MC1R: variants seen among roughly 807,000 people sequenced by gnomAD.
The protein encoded by MC1R is melanocyte-stimulating hormone receptor.
For missense variants in MC1R, 542 were observed against 430.0 expected, an observed-to-expected ratio of 1.26 and a Z score of -2.30; for synonymous variants, 263 against 203.8, an observed-to-expected ratio of 1.29 and a Z score of -2.47.
chr16:89,920,841 C>T lies in MC1R; in HGVS notation c.*629C>T. The T allele has an allele frequency of 1.7e-6, 1 of 602,552 alleles. No homozygotes were observed. Among genetic ancestry groups the T allele is most frequent in the East Asian group, 2.9e-5 (1 of 34,752 alleles). 37.3% of individuals were successfully genotyped at this position (602,552 alleles called of 1,614,324 possible). A position where few individuals can be genotyped will look rare whatever the true frequency, so the allele number is the denominator to read the frequency against. ...CCGGTTCTAAGGCTCAGACTGGGCA[C>T]TGGGGCCTCAGCCTGCTTTCCTGCA... On this transcript the variant is annotated 3_prime_UTR_variant, in exon 1 of 1. Coordinates refer to ENST00000555147, the MANE Select transcript of MC1R (RefSeq NM_002386.4).
At position 89,920,334 on chromosome 16, in the gene MC1R, G is replaced by C. The variant is rs1310229024; in HGVS notation, c.*122G>C. ...TGGTCCCCGTTTGTCAAAGAGGATG[G>C]ACTAAATGATCTCTGAAAGTGTTGA... On this transcript the variant is annotated 3_prime_UTR_variant, in exon 1 of 1. Coordinates refer to ENST00000555147, the MANE Select transcript of MC1R (RefSeq NM_002386.4). 1.2e-5 allele frequency: 10 copies of C among 831,150 alleles called. No individual in the cohort carries two copies. In the East Asian group the frequency reaches 2.7e-4, roughly 22 times the overall value. The allele number at this position is 831,150 out of a possible 1,614,324, so 51.5% of individuals were successfully genotyped here. A position where few individuals can be genotyped will look rare whatever the true frequency, so the allele number is the denominator to read the frequency against.
rs924429375 is a variant in MC1R, at chr16:89,920,019, G to A, written c.761G>A (p.Trp254Ter). 2 of 1,613,504 alleles carry A rather than the reference G, an allele frequency of 1.2e-6. No individual in the cohort carries two copies. Among genetic ancestry groups the A allele is most frequent in the Admixed American group, 1.7e-5 (1 of 60,000 alleles). The change falls in exon 1 of 1, where the codon TGG becomes TAG. Residue 254 changes from tryptophan to a stop codon, truncating the protein, a stop_gained. Coordinates refer to ENST00000555147, the MANE Select transcript of MC1R (RefSeq NM_002386.4). LOFTEE classifies it low-confidence loss of function (END_TRUNC). Reference sequence around the variant, plus strand: ...CTGCTGGGCATTTTCTTCCTCTGCTGGGGCCCCTTCTTCCTGCATCTCACA... The same window carrying A: ...CTGCTGGGCATTTTCTTCCTCTGCTAGGGCCCCTTCTTCCTGCATCTCACA... ...TILLGIFFLC[W>*]GPFFLHLTLI...
chr16:89,920,011 C>G lies in MC1R; in HGVS notation c.753C>G (p.Phe251Leu), dbSNP rs561571645. The change falls in exon 1 of 1, where the codon TTC becomes TTG. Residue 251 changes from phenylalanine to leucine, a missense_variant. Coordinates refer to ENST00000555147, the MANE Select transcript of MC1R (RefSeq NM_002386.4). The stretch of plus-strand genomic sequence containing the variant: ...TCACCATCCTGCTGGGCATTTTCTT[C>G]CTCTGCTGGGGCCCCTTCTTCCTGC... ...VTLTILLGIFFLCWGPFFLHL... is the reference protein window; with the variant it reads ...VTLTILLGIFLLCWGPFFLHL... 6.2e-7 allele frequency: 1 copy of G among 1,613,656 alleles called. No homozygotes were observed. The highest frequency in any genetic ancestry group is 8.5e-7 in the Non-Finnish European group (1 of 1,179,876).
In MC1R at chr16:89,920,270, T is replaced by G; in HGVS notation, c.*58T>G. On this transcript the variant is annotated 3_prime_UTR_variant, in exon 1 of 1. Transcript: ENST00000555147. ...AGAGGGAGGTGGTGATATTGTGTGG[T>G]CTGGTTCCTGTGTGACCCTGGGCAG... 1 of 1,457,164 alleles carries G rather than the reference T, an allele frequency of 6.9e-7. No homozygotes were observed. The highest frequency in any genetic ancestry group is 9.5e-7 in the Non-Finnish European group (1 of 1,051,650). The allele number at this position is 1,457,164 out of a possible 1,614,324, so 90.3% of individuals were successfully genotyped here.
rs2045712896 is a variant in MC1R, at chr16:89,920,603, G to T, written c.*391G>T. The T allele has an allele frequency of 1.4e-6, 1 of 696,260 alleles. No homozygotes were observed. Among genetic ancestry groups the T allele is most frequent in the African/African-American group, 1.8e-5 (1 of 56,404 alleles). 43.1% of individuals were successfully genotyped at this position (696,260 alleles called of 1,614,324 possible). Reference sequence around the variant, plus strand: ...CTTTGCTGCCAGCTCTCAGGACCGTGCCCTCGTCAGCTGGGATGTGAAGTC... The same window carrying T: ...CTTTGCTGCCAGCTCTCAGGACCGTTCCCTCGTCAGCTGGGATGTGAAGTC... On this transcript the variant is annotated 3_prime_UTR_variant, in exon 1 of 1. Coordinates refer to ENST00000555147, the MANE Select transcript of MC1R (RefSeq NM_002386.4).
chr16:89,920,147 A>G lies in MC1R; in HGVS notation c.889A>G (p.Ile297Val), dbSNP rs373467427. Residue 297 changes from isoleucine to valine, a missense_variant, in exon 1 of 1, where the codon ATC (isoleucine) becomes GTC (valine). By Grantham distance (29) the Ile-to-Val change is conservative. Coordinates refer to ENST00000555147, the MANE Select transcript of MC1R (RefSeq NM_002386.4). ...CTGCAATGCCATCATCGACCCCCTC[A>G]TCTACGCCTTCCACAGCCAGGAGCT... The part of the protein sequence containing the change: ...IICNAIIDPL[I>V]YAFHSQELRR... 3.7e-6 allele frequency: 6 copies of G among 1,613,786 alleles called. No homozygotes were observed. Among genetic ancestry groups the G allele is most frequent in the African/African-American group, 1.3e-5 (1 of 74,904 alleles).
At position 89,919,164 on chromosome 16, in the gene MC1R, T is replaced by A. The variant is rs2045687036; in HGVS notation, c.-95T>A. The A allele has an allele frequency of 4.5e-6, 4 of 886,030 alleles. No individual in the cohort carries two copies. Among genetic ancestry groups the A allele is most frequent in the Non-Finnish European group, 3.4e-6 (2 of 584,812 alleles). The allele number at this position is 886,030 out of a possible 1,614,324, so 54.9% of individuals were successfully genotyped here. A position where few individuals can be genotyped will look rare whatever the true frequency, so the allele number is the denominator to read the frequency against. On this transcript the variant is annotated 5_prime_UTR_variant, in exon 1 of 1. Transcript: ENST00000555147. ...GGCATGGGGGACACCCAAGGCCCCC[T>A]GGCAGCACCATGAACTAAGCAGGAC...
In MC1R at chr16:89,919,272, G is replaced by C. The variant is rs1435263992; in HGVS notation, c.14G>C (p.Gly5Ala). 6.3e-7 allele frequency: 1 copy of C among 1,580,030 alleles called. No homozygotes were observed. Among genetic ancestry groups the C allele is most frequent in the South Asian group, 1.1e-5 (1 of 87,782 alleles). MAVQ[G>A]SQRRLLGSLN... ...CTGGACAGGACTATGGCTGTGCAGGGATCCCAGAGAAGACTTCTGGGCTCC... is the reference window on the plus strand; with the variant it reads ...CTGGACAGGACTATGGCTGTGCAGGCATCCCAGAGAAGACTTCTGGGCTCC... The change falls in exon 1 of 1, where the codon GGA (glycine) becomes GCA (alanine). Residue 5 changes from glycine to alanine, a missense_variant. Physicochemically the swap from Gly to Ala is moderately conservative, Grantham distance 60 (BLOSUM62 0). Coordinates refer to ENST00000555147, the MANE Select transcript of MC1R (RefSeq NM_002386.4).
rs748521098 is a variant in MC1R at position 89,920,078 on chromosome 16, G to A, written c.820G>A (p.Gly274Ser). The A allele has an allele frequency of 3.1e-5, 50 of 1,613,718 alleles. No individual in the cohort carries two copies. The highest frequency in any genetic ancestry group is 1.2e-4 in the South Asian group (11 of 91,088). ...CCTCTGCCCCGAGCACCCCACGTGC[G>A]GCTGCATCTTCAAGAACTTCAACCT... is the stretch of plus-strand genomic sequence containing the variant. The part of the protein sequence containing the change: ...IVLCPEHPTC[G>S]CIFKNFNLFL... Residue 274 changes from glycine to serine, a missense_variant, in exon 1 of 1, where the codon GGC becomes AGC. Coordinates refer to ENST00000555147, the MANE Select transcript of MC1R (RefSeq NM_002386.4).
rs2045688502 is a variant in MC1R, at chr16:89,919,274, T to A, written c.16T>A (p.Ser6Thr). MAVQGSQRRLLGSLNS... is the reference protein window; with the variant it reads MAVQGTQRRLLGSLNS... ...GGACAGGACTATGGCTGTGCAGGGA[T>A]CCCAGAGAAGACTTCTGGGCTCCCT... Residue 6 changes from serine (S) to threonine (T), a missense_variant, in exon 1 of 1, where the codon TCC (serine) becomes ACC (threonine). Physicochemically the swap from Ser to Thr is moderately conservative, Grantham distance 58. Coordinates refer to ENST00000555147, the MANE Select transcript of MC1R (RefSeq NM_002386.4). 3 of 1,582,202 alleles carry A rather than the reference T, an allele frequency of 1.9e-6. No individual in the cohort carries two copies. Among genetic ancestry groups the A allele is most frequent in the Non-Finnish European group, 1.7e-6 (2 of 1,163,638 alleles).
chr16:89,919,477 G>C lies in MC1R; in HGVS notation c.219G>C (p.Met73Ile). ...IAKNRNLHSP[M>I]YCFICCLALS... ...AGAACCGGAACCTGCACTCACCCAT[G>C]TACTGCTTCATCTGCTGCCTGGCCT... The change falls in exon 1 of 1, where the codon ATG becomes ATC. Residue 73 changes from methionine to isoleucine, a missense_variant. Physicochemically the swap from Met to Ile is conservative, Grantham distance 10 (BLOSUM62 1). Transcript: ENST00000555147. 1 of 1,613,324 alleles carries C rather than the reference G, an allele frequency of 6.2e-7. No individual in the cohort carries two copies. The highest frequency in any genetic ancestry group is 1.1e-5 in the South Asian group (1 of 91,088).
chr16:89,920,650 A>G lies in MC1R; in HGVS notation c.*438A>G. 2.8e-6 allele frequency: 2 copies of G among 716,372 alleles called. No homozygotes were observed. Among genetic ancestry groups the G allele is most frequent in the East Asian group, 5.4e-5 (2 of 37,280 alleles). The allele number at this position is 716,372 out of a possible 1,614,324, so 44.4% of individuals were successfully genotyped here. A position where few individuals can be genotyped will look rare whatever the true frequency, so the allele number is the denominator to read the frequency against. Reference sequence around the variant, plus strand: ...AGTCTCTGGGTGGAAGTGTGTGCCAAGAGCTACTCCCACAGCAGCCCCAGG... The same window carrying G: ...AGTCTCTGGGTGGAAGTGTGTGCCAGGAGCTACTCCCACAGCAGCCCCAGG... On this transcript the variant is annotated 3_prime_UTR_variant, in exon 1 of 1. Coordinates refer to ENST00000555147, the MANE Select transcript of MC1R (RefSeq NM_002386.4).
rs1470549318 is a variant in MC1R, at chr16:89,919,479, A to G, written c.221A>G (p.Tyr74Cys). Residue 74 changes from tyrosine (Y) to cysteine (C), a missense_variant, in exon 1 of 1, where the codon TAC becomes TGC. Coordinates refer to ENST00000555147, the MANE Select transcript of MC1R (RefSeq NM_002386.4). ...AKNRNLHSPM[Y>C]CFICCLALSD... is the part of the protein sequence containing the mutation. ...AACCGGAACCTGCACTCACCCATGT[A>G]CTGCTTCATCTGCTGCCTGGCCTTG... The G allele has an allele frequency of 3.1e-6, 5 of 1,613,248 alleles. No individual in the cohort carries two copies. The highest frequency in any genetic ancestry group is 4.2e-6 in the Non-Finnish European group (5 of 1,179,842).
chr16:89,919,909 C>T lies in MC1R; in HGVS notation c.651C>T (p.His217=), dbSNP rs756060136. 1.6e-5 allele frequency: 26 copies of T among 1,608,066 alleles called. No homozygotes were observed. Among genetic ancestry groups the T allele is most frequent in the Middle Eastern group, 1.6e-4 (1 of 6,080 alleles). Residue 217 remains histidine, a synonymous_variant, in exon 1 of 1, where the codon CAC becomes CAT. Transcript: ENST00000555147. ...YVHMLARACQ[H]AQGIARLHKR... ...ACATGCTGGCCCGGGCCTGCCAGCA[C>T]GCCCAGGGCATCGCCCGGCTCCACA...
At position 89,919,030 on chromosome 16, in the gene MC1R, G is replaced by A. The variant is rs566702302; in HGVS notation, c.-229G>A. ...GTTGTGAGAATCCCTGAGCCCAGGC[G>A]GTAGATGCCAGGAGGTGTCTGGACT... On this transcript the variant is annotated 5_prime_UTR_variant, in exon 1 of 1. Transcript: ENST00000555147. 309 of 555,814 alleles carry A rather than the reference G, an allele frequency of 5.6e-4. 1 individual carries two copies. Among genetic ancestry groups the A allele is most frequent in the African/African-American group, 4.8e-3 (255 of 53,482 alleles). The allele number at this position is 555,814 out of a possible 1,614,324, so 34.4% of individuals were successfully genotyped here.
Position 89,919,354 on chromosome 16 carries a change from A to G in MC1R, c.96A>G (p.Gly32=). 3 of 1,613,002 alleles carry G rather than the reference A, an allele frequency of 1.9e-6. No homozygotes were observed. In the East Asian group the frequency reaches 6.7e-5, roughly 36 times the overall value. The change falls in exon 1 of 1, where the codon GGA becomes GGG. Residue 32 remains glycine (G), a synonymous_variant. Transcript: ENST00000555147. ...TGGGGCTGGCTGCCAACCAGACAGGAGCCCGGTGCCTGGAGGTGTCCATCT... is the reference window on the plus strand; with the variant it reads ...TGGGGCTGGCTGCCAACCAGACAGGGGCCCGGTGCCTGGAGGTGTCCATCT... The part of the protein sequence containing the change: ...PQLGLAANQT[G]ARCLEVSISD...
At position 89,919,608 on chromosome 16, in the gene MC1R, A is replaced by T. The variant is rs374827260; in HGVS notation, c.350A>T (p.Asp117Val). The T allele has an allele frequency of 1.6e-5, 26 of 1,608,460 alleles. No individual in the cohort carries two copies. Among genetic ancestry groups the T allele is most frequent in the Non-Finnish European group, 2.0e-5 (24 of 1,179,780 alleles). ...VARAAVLQQL[D>V]NVIDVITCSS... ...CGGGCTGCGGTGCTGCAGCAGCTGG[A>T]CAATGTCATTGACGTGATCACCTGC... Residue 117 changes from aspartate to valine, a missense_variant, in exon 1 of 1, where the codon GAC becomes GTC. Asp to Val is a radical substitution (Grantham distance 152). Transcript: ENST00000555147.
rs1267550059 is a variant in MC1R at position 89,919,206 on chromosome 16, C to T, written c.-53C>T. On this transcript the variant is annotated 5_prime_UTR_variant, in exon 1 of 1. Coordinates refer to ENST00000555147, the MANE Select transcript of MC1R (RefSeq NM_002386.4). ...AAGCAGGACACCTGGAGGGGAAGAA[C>T]TGTGGGGACCTGGAGGCCTCCAACG... 5.5e-5 allele frequency: 70 copies of T among 1,270,962 alleles called. No individual in the cohort carries two copies. The highest frequency in any genetic ancestry group is 7.1e-5 in the Non-Finnish European group (66 of 924,014). 78.7% of individuals were successfully genotyped at this position (1,270,962 alleles called of 1,614,324 possible).
Position 89,919,498 on chromosome 16 carries a change from G to A in MC1R, c.240G>A (p.Leu80=). The change falls in exon 1 of 1, where the codon CTG becomes CTA. Residue 80 remains leucine (L), a synonymous_variant. Transcript: ENST00000555147. ...HSPMYCFICC[L]ALSDLLVSGS... is the part of the protein sequence containing the mutation. Reference sequence around the variant, plus strand: ...CCATGTACTGCTTCATCTGCTGCCTGGCCTTGTCGGACCTGCTGGTGAGCG... The same window carrying A: ...CCATGTACTGCTTCATCTGCTGCCTAGCCTTGTCGGACCTGCTGGTGAGCG... The A allele has an allele frequency of 6.2e-7, 1 of 1,613,226 alleles. No homozygotes were observed. Among genetic ancestry groups the A allele is most frequent in the Non-Finnish European group, 8.5e-7 (1 of 1,179,790 alleles).
Sources: gnomAD v4.1 joint callset for allele counts on GRCh38, gnomAD v4.1.1 for gene constraint, MANE v1.5 for transcripts, NCBI Gene and HGNC (gene_info 2026-07-23, HGNC 2026-07-21) for gene names.